The following SLC16A1 variants were observed in gnomAD, a reference collection of about 807,000 sequenced individuals.
SLC16A1 encodes solute carrier family 16 member 1.
Under a neutral mutation model 32.2 loss-of-function variants are expected in SLC16A1, and 11 were observed. That is an observed-to-expected ratio of 0.34 (90% CI 0.21 to 0.56). The LOEUF is 0.56. SLC16A1 is among the 20% of genes least tolerant of loss of function. The pLI is 0.87. For synonymous variants in SLC16A1, 231 were observed against 226.8 expected, an observed-to-expected ratio of 1.02 and a Z score of -0.17; for missense variants, 435 against 615.0, an observed-to-expected ratio of 0.71 and a Z score of 3.10.
chr1:112,921,695 G>C (rs932840559), intron 3 of SLC16A1, among the ~76,000 whole-genome samples: 9 of 152,164 alleles, frequency 5.9e-5, no homozygotes, highest in African/African-American at 2.2e-4. Flanking sequence ...TGCCACTCTC[G>C]CACCAAGTTG....
chr1:112,948,490 A>G (rs1319512341), intron 1 of SLC16A1, among the ~76,000 whole-genome samples: 2 of 152,086 alleles, frequency 1.3e-5, no homozygotes, highest in East Asian at 3.9e-4. Flanking sequence ...TTTTAGATGG[A>G]GTCTAGCCTA....
rs1246975400 is a variant in SLC16A1 at position 112,940,175 on chromosome 1, T to C, written c.-44-10823A>G. On this transcript the variant is annotated intron_variant, in intron 1 of 4. Transcript: ENST00000369626. Reference sequence around the variant, plus strand: ...ACCTTAGTCTCACGAGTAGCTGAGATTACAGGCATGAGACACCATGCCTGG... The same window carrying C: ...ACCTTAGTCTCACGAGTAGCTGAGACTACAGGCATGAGACACCATGCCTGG... 4.0e-4 allele frequency among the ~76,000 whole-genome samples: 61 copies of C among 151,750 alleles called. 2 individuals carry two copies. The highest frequency in any genetic ancestry group is 4.6e-4 in the Non-Finnish European group (31 of 67,960).
At chr1:112,921,095 C>T (rs1466202111) in intron 3 of SLC16A1, among the ~76,000 whole-genome samples, 2 of 149,682 alleles carry the variant, frequency 1.3e-5, no homozygotes, top group African/African-American at 4.9e-5. Context: ...GAGCTGAGAT[C>T]GCGCCACTGC....
At chr1:112,950,405 A>G (rs1221296458) in intron 1 of SLC16A1, among the ~76,000 whole-genome samples, 1 of 152,252 alleles carries the variant, frequency 6.6e-6, no homozygotes, top group Admixed American at 6.5e-5. Context: ...GTGTAGGAAG[A>G]GCAAAATCAG....
intron 2 of SLC16A1, 174 bp from the exon 3 acceptor site, chr1:112,922,307 A>C (rs1648765111): frequency 1.5e-6 from 1 of 648,274 alleles, no homozygotes; most frequent in Non-Finnish European, 2.6e-6. Context: ...GATGTTAGAA[A>C]ACATAATTAA....
intron 3 of SLC16A1, among the ~76,000 whole-genome samples, chr1:112,919,011 T>A (rs572266260): frequency 4.9e-5 from 7 of 144,224 alleles, no homozygotes; most frequent in South Asian, 2.2e-4. Flanking sequence ...TACTAATTTA[T>A]TTTATTTATT....
chr1:112,950,907 G>C (rs1649868922), intron 1 of SLC16A1, among the ~76,000 whole-genome samples: 1 of 152,150 alleles, frequency 6.6e-6, no homozygotes, highest in Admixed American at 6.6e-5. Flanking sequence ...GGCTGAGGTG[G>C]CTCTGCTTGA....
At chr1:112,920,641 A>T (rs1286173673) in intron 3 of SLC16A1, among the ~76,000 whole-genome samples, 2 of 152,068 alleles carry the variant, frequency 1.3e-5, no homozygotes, top group Non-Finnish European at 2.9e-5. Flanking sequence ...CAACAACAAA[A>T]CCAGATTTTT....
intron 1 of SLC16A1, among the ~76,000 whole-genome samples, chr1:112,939,436 G>A (rs772297973): frequency 7.9e-5 from 12 of 152,208 alleles, no homozygotes; most frequent in Non-Finnish European, 1.6e-4. Flanking sequence ...ACACTCCCAT[G>A]TTCTCTGCAG....
In SLC16A1 at chr1:112,923,383, C is replaced by T. The variant is rs188723492; in HGVS notation, c.218-1250G>A. The T allele has an allele frequency of 3.1e-3, 1,828 of 595,042 alleles. 27 individuals carry two copies. The highest frequency in any genetic ancestry group is 0.029 in the African/African-American group (1,565 of 54,656). 36.9% of individuals were successfully genotyped at this position (595,042 alleles called of 1,614,324 possible). ...GGAGCTGATGCTTCCAACCACTGCA[C>T]GTTGCTCCCGGGCTGTCGCAGTCTC... is the stretch of plus-strand genomic sequence containing the variant. On this transcript the variant is annotated intron_variant, in intron 2 of 4. Transcript: ENST00000369626.
chr1:112,917,163 G>T lies in SLC16A1; in HGVS notation c.1228+15C>A. 1 of 1,614,072 alleles carries T rather than the reference G, an allele frequency of 6.2e-7. No homozygotes were observed. The highest frequency in any genetic ancestry group is 1.1e-5 in the South Asian group (1 of 91,056). On this transcript the variant is annotated intron_variant, in intron 4 of 4. Coordinates refer to ENST00000369626, the MANE Select transcript of SLC16A1 (RefSeq NM_003051.4). The surrounding 1 kb of genome is among the most constrained non-coding windows in gnomAD (Gnocchi z 4.1). The stretch of plus-strand genomic sequence containing the variant: ...TTTTGTAATAGACCCACATTAGTAG[G>T]GAGATATACTATACCTAAAAGTGGT...
intron 2 of SLC16A1, chr1:112,923,940 A>G (rs1274346960): frequency 6.6e-7 from 1 of 1,519,344 alleles, no homozygotes; most frequent in East Asian, 2.3e-5. Context: ...CTATGCCTTC[A>G]ACCCTCTGGC....
At chr1:112,953,629 T>C (rs576514543) in intron 1 of SLC16A1, among the ~76,000 whole-genome samples, 1 of 152,372 alleles carries the variant, frequency 6.6e-6, no homozygotes, top group African/African-American at 2.4e-5. Flanking sequence ...TCAACTTCTA[T>C]CTCTTCCCAT....
At chr1:112,946,019 G>A (rs931978400) in intron 1 of SLC16A1, among the ~76,000 whole-genome samples, 14 of 152,056 alleles carry the variant, frequency 9.2e-5, no homozygotes, top group Non-Finnish European at 1.8e-4. Context: ...ACCTACTGTT[G>A]CACATTTAGG....
chr1:112,921,939 A>G (rs1648748934), intron 3 of SLC16A1, 51 bp downstream of exon 3: 1 of 1,607,332 alleles, frequency 6.2e-7, no homozygotes, highest in African/African-American at 1.3e-5. Flanking sequence ...AGGTAAATAC[A>G]AAATAGCCAG....
At chr1:112,920,870 T>C (rs1227123277) in intron 3 of SLC16A1, among the ~76,000 whole-genome samples, 1 of 151,962 alleles carries the variant, frequency 6.6e-6, no homozygotes, top group Non-Finnish European at 1.5e-5. Flanking sequence ...CCGGGCAAGG[T>C]GATTCACGCC....
In SLC16A1 at chr1:112,913,724, C is replaced by T; in HGVS notation, c.*167G>A. 1.3e-6 allele frequency: 1 copy of T among 751,468 alleles called. No individual in the cohort carries two copies. Among genetic ancestry groups the T allele is most frequent in the African/African-American group, 1.7e-5 (1 of 58,304 alleles). The allele number at this position is 751,468 out of a possible 1,614,324, so 46.6% of individuals were successfully genotyped here. A position where few individuals can be genotyped will look rare whatever the true frequency, so the allele number is the denominator to read the frequency against. The stretch of plus-strand genomic sequence containing the variant: ...CAATCATTCCCTCCTCAAATTCAGG[C>T]TATTGGTAAGGAGTCAAACAAAAAT... On this transcript the variant is annotated 3_prime_UTR_variant, in exon 5 of 5. Coordinates refer to ENST00000369626, the MANE Select transcript of SLC16A1 (RefSeq NM_003051.4).
intron 1 of SLC16A1, among the ~76,000 whole-genome samples, chr1:112,954,546 G>A (rs1044634142): frequency 1.3e-5 from 2 of 152,154 alleles, no homozygotes; most frequent in Non-Finnish European, 2.9e-5. Context: ...CTAATCATTT[G>A]CTTTCATCCT....
chr1:112,921,383 G>T (rs900011697), intron 3 of SLC16A1, among the ~76,000 whole-genome samples: 1 of 152,002 alleles, frequency 6.6e-6, no homozygotes, highest in East Asian at 1.9e-4. Flanking sequence ...TTTATACGAA[G>T]AATATATTCA....
Sources: gnomAD v4.1 joint callset for allele counts (sites outside exome capture counted in the v4.1 genomes callset) on GRCh38, gnomAD v4.1.1 for gene constraint, Gnocchi (gnomAD v3.1) non-coding constraint, MANE v1.5 for transcripts, NCBI Gene and HGNC (gene_info 2026-07-23, HGNC 2026-07-21) for gene names.